FOXP1: variants seen among roughly 807,000 people sequenced by gnomAD.
The protein encoded by FOXP1 is forkhead box P1.
A neutral mutation model predicts 98.2 loss-of-function variants in FOXP1; 15 were observed. The ratio of observed to expected loss-of-function variants is 0.15; its 90% CI spans 0.10 to 0.24. The LOEUF is 0.24. Ranked by LOEUF, FOXP1 falls within the 10% of genes least tolerant of loss-of-function variation. FOXP1 has a pLI of 1.00. For synonymous variants in FOXP1, 371 were observed against 314.5 expected, an observed-to-expected ratio of 1.18 and a Z score of -1.90; for missense variants, 633 against 848.5, an observed-to-expected ratio of 0.75 and a Z score of 3.15.
intron 2 of FOXP1, among the ~76,000 whole-genome samples, chr3:71,556,437 C>T (rs557398298): frequency 6.1e-4 from 93 of 151,966 alleles, no homozygotes; most frequent in Admixed American, 2.4e-3. Context: ...ATTAGCCGGG[C>T]GTGGTGGCAG....
rs1274153044 is a variant in FOXP1, at chr3:71,571,338, A to G, written c.-298+10211T>C. The G allele has an allele frequency of 2.6e-5, 4 of 152,308 alleles. No individual in the cohort carries two copies. The East Asian group carries it at 7.7e-4, about 29-fold the overall frequency. 9.4% of individuals were successfully genotyped at this position (152,308 alleles called of 1,614,324 possible). On this transcript the variant is annotated intron_variant, in intron 2 of 20. Coordinates refer to ENST00000649528, the MANE Select transcript of FOXP1 (RefSeq NM_001349338.3). ...TGTCTAATGGGTGATACCGACTTTA[A>G]TAGCCCCTGGTTAATGCAGACTAGT...
intron 4 of FOXP1, among the ~76,000 whole-genome samples, chr3:71,345,939 C>A (rs1653966): frequency 6.8e-6 from 1 of 146,254 alleles, no homozygotes. Context: ...TGCAATGAGA[C>A]AAAGTGCTTT....
chr3:71,448,100 T>G (rs747846009), intron 3 of FOXP1, among the ~76,000 whole-genome samples: 1 of 152,170 alleles, frequency 6.6e-6, no homozygotes, highest in Non-Finnish European at 1.5e-5. Context: ...AATGTGAATG[T>G]TGCCAGCCTT....
At chr3:71,060,415 G>A (rs1266252306) in intron 7 of FOXP1, among the ~76,000 whole-genome samples, 3 of 151,970 alleles carry the variant, frequency 2.0e-5, no homozygotes, top group Non-Finnish European at 2.9e-5. Context: ...TTATAATGAA[G>A]ACAAAGCCCA....
intron 18 of FOXP1, chr3:70,972,087 TAAACTCTTCATC>T: frequency 6.5e-7 from 1 of 1,528,894 alleles, no homozygotes; most frequent in Non-Finnish European, 8.7e-7. Context: ...CGGCCACGTT[TAAACTCTTCATC>T]ATCAACTGTC....
At chr3:71,447,235 C>G (rs916862353) in intron 3 of FOXP1, among the ~76,000 whole-genome samples, 8 of 152,240 alleles carry the variant, frequency 5.3e-5, no homozygotes, top group African/African-American at 1.9e-4. Flanking sequence ...ACACCTATGT[C>G]TACACATACA....
chr3:71,336,474 T>C (rs559252942), intron 4 of FOXP1, among the ~76,000 whole-genome samples: 2 of 128,680 alleles, frequency 1.6e-5, no homozygotes, highest in African/African-American at 5.0e-5. Flanking sequence ...CCCCTCCCTG[T>C]GTCCATGTGT....
chr3:71,279,172 CAAAAAA>C (rs11308828), intron 5 of FOXP1, among the ~76,000 whole-genome samples: 1 of 69,790 alleles, frequency 1.4e-5, no homozygotes, highest in Admixed American at 1.7e-4. Flanking sequence ...AACTCCATCT[CAAAAAA>C]AAAAAAAAAA....
At chr3:71,173,700 G>A (rs1371598965) in intron 6 of FOXP1, among the ~76,000 whole-genome samples, 1 of 152,164 alleles carries the variant, frequency 6.6e-6, no homozygotes, top group Non-Finnish European at 1.5e-5. Context: ...CTGCATGGCT[G>A]ATAACAATTA....
At chr3:71,144,544 T>C (rs561744652) in intron 6 of FOXP1, among the ~76,000 whole-genome samples, 125 of 152,288 alleles carry the variant, frequency 8.2e-4, no homozygotes, top group African/African-American at 2.4e-3. Flanking sequence ...GAGAGGTTCT[T>C]GGGCAAAAGG....
chr3:71,395,337 G>C (rs546149610), intron 3 of FOXP1, among the ~76,000 whole-genome samples: 1 of 149,240 alleles, frequency 6.7e-6, no homozygotes, highest in South Asian at 2.2e-4. Flanking sequence ...GCTGCCTTGA[G>C]TGTTTCTGCT....
In FOXP1 at chr3:71,326,040, G is replaced by A. The variant is rs139643571; in HGVS notation, c.-72-26160C>T. 1.9e-3 allele frequency among the ~76,000 whole-genome samples: 289 copies of A among 151,932 alleles called. 2 individuals carry two copies. The highest frequency in any genetic ancestry group is 5.7e-3 in the African/African-American group (236 of 41,394). Reference sequence around the variant, plus strand: ...AAAACAGAAAAATACTTTATTTGGCGTGCATATTACTCTCTTTCTTGCTTT... The same window carrying A: ...AAAACAGAAAAATACTTTATTTGGCATGCATATTACTCTCTTTCTTGCTTT... On this transcript the variant is annotated intron_variant, in intron 4 of 20. Transcript: ENST00000649528.
chr3:71,521,164 G>C (rs1436298329), intron 2 of FOXP1, among the ~76,000 whole-genome samples: 3 of 152,122 alleles, frequency 2.0e-5, no homozygotes, highest in Non-Finnish European at 4.4e-5. Context: ...GCTCCTGAAA[G>C]GGATGGACAG....
chr3:71,577,850 T>C (rs2047847994), intron 2 of FOXP1, among the ~76,000 whole-genome samples: 2 of 152,090 alleles, frequency 1.3e-5, no homozygotes, highest in Non-Finnish European at 2.9e-5. Context: ...AAAGTTCACC[T>C]GTCTATTCAG....
At chr3:71,272,825 A>T (rs941527827) in intron 5 of FOXP1, among the ~76,000 whole-genome samples, 5 of 152,060 alleles carry the variant, frequency 3.3e-5, no homozygotes, top group Non-Finnish European at 4.4e-5. Context: ...TGCTGCAGAT[A>T]CCTTTTCAAG....
chr3:71,553,532 T>C (rs1173973259), intron 2 of FOXP1, among the ~76,000 whole-genome samples: 1 of 152,164 alleles, frequency 6.6e-6, no homozygotes, highest in Non-Finnish European at 1.5e-5. Flanking sequence ...GGTTCTTCAC[T>C]GGTTTTTTCA....
intron 4 of FOXP1, among the ~76,000 whole-genome samples, chr3:71,338,202 G>C (rs183215139): frequency 7.2e-5 from 11 of 152,324 alleles, no homozygotes; most frequent in Admixed American, 4.6e-4. Context: ...GTTACATAAA[G>C]AGCAGAGGGC....
At chr3:71,015,751 A>T (rs898331579) in intron 11 of FOXP1, 98 bp from the exon 12 acceptor site, 1 of 751,908 alleles carries the variant, frequency 1.3e-6, no homozygotes, top group East Asian at 2.6e-5. Context: ...CACATGGCCA[A>T]ATGTGGACAA....
intron 2 of FOXP1, among the ~76,000 whole-genome samples, chr3:71,526,447 A>G (rs1218658545): frequency 2.0e-5 from 3 of 152,250 alleles, no homozygotes; most frequent in African/African-American, 7.2e-5. Flanking sequence ...AACACAAACT[A>G]CACATCATAT....
Sources: allele counts gnomAD v4.1 joint callset (sites outside exome capture counted in the v4.1 genomes callset), GRCh38; gene constraint gnomAD v4.1.1; transcripts MANE v1.5; gene names NCBI Gene and HGNC (gene_info 2026-07-23, HGNC 2026-07-21).